Variants in ARHGAP29 observed in about 807,000 individuals in gnomAD.
The protein encoded by ARHGAP29 is rho GTPase-activating protein 29.
A neutral mutation model predicts 122.6 loss-of-function variants in ARHGAP29; 43 were observed. The ratio of observed to expected loss-of-function variants is 0.35; its 90% CI spans 0.27 to 0.45. The LOEUF is 0.45. ARHGAP29 is among the 20% of genes least tolerant of loss of function. The pLI, the probability that ARHGAP29 is intolerant of heterozygous loss-of-function variation, is 1.00. For synonymous variants in ARHGAP29, 506 were observed against 497.1 expected (o/e 1.02, Z -0.24); for missense variants, 1,303 against 1,477.2 (o/e 0.88, Z 1.93).
chr1:94,180,852 A>G (rs1219474974), intron 19 of ARHGAP29, among the ~76,000 whole-genome samples: 1 of 152,194 alleles, frequency 6.6e-6, no homozygotes, highest in African/African-American at 2.4e-5. Context: ...AGCTGATAGT[A>G]TTGGACCCTA....
At chr1:94,268,429 C>A (rs1654859329) in intron 1 of ARHGAP29, among the ~76,000 whole-genome samples, 2 of 152,154 alleles carry the variant, frequency 1.3e-5, no homozygotes, top group African/African-American at 2.4e-5. Context: ...ACATTGGCAT[C>A]CCTGAACCCA....
chr1:94,285,873 C>CAAAAAAAAAAAAAAAAAAAAAAAAA, the ARHGAP29 span, among the ~76,000 whole-genome samples: 2 of 72,640 alleles, frequency 2.8e-5, no homozygotes, highest in African/African-American at 5.1e-5. Context: ...GACTCTGTCT[C>CAAAAAAAAAAAAAAAAAAAAAAAAA]AAAAAAAAAA....
chr1:94,216,390 T>C (rs1651957677), intron 3 of ARHGAP29, among the ~76,000 whole-genome samples: 1 of 152,110 alleles, frequency 6.6e-6, no homozygotes, highest in African/African-American at 2.4e-5. Flanking sequence ...CTACCATCTG[T>C]GCAAAAAGGA....
intron 1 of ARHGAP29, chr1:94,250,499 C>T (rs1425269095): frequency 6.6e-6 from 1 of 152,190 alleles, no homozygotes; most frequent in African/African-American, 2.4e-5. Context: ...CTTGACCTCA[C>T]TGCTGGGGCA....
upstream of ARHGAP29, among the ~76,000 whole-genome samples, chr1:94,239,482 G>A (rs1390592354): frequency 6.6e-6 from 1 of 151,984 alleles, no homozygotes; most frequent in Non-Finnish European, 1.5e-5. Context: ...AAAGAGAAAG[G>A]AGCTCACAAG....
At chr1:94,298,623 T>G in the ARHGAP29 span, among the ~76,000 whole-genome samples, 1 of 152,208 alleles carries the variant, frequency 6.6e-6, no homozygotes, top group East Asian at 1.9e-4. Flanking sequence ...TTTGGTTTTG[T>G]TTTTGCCTGC....
intron 1 of ARHGAP29, among the ~76,000 whole-genome samples, chr1:94,252,942 A>G (rs937215936): frequency 1.8e-4 from 27 of 152,138 alleles, no homozygotes; most frequent in African/African-American, 6.5e-4. Flanking sequence ...TCAGAATCAA[A>G]GGGATCTTAG....
intron 7 of ARHGAP29, among the ~76,000 whole-genome samples, chr1:94,204,751 C>T (rs1651087411): frequency 6.6e-6 from 1 of 152,180 alleles, no homozygotes; most frequent in Admixed American, 6.5e-5. Context: ...TCTACTCATA[C>T]ATCTATTGTT....
chr1:94,219,356 C>T lies in ARHGAP29; in HGVS notation c.340+902G>A, dbSNP rs1300184600. Among the ~76,000 whole-genome samples, 4 of 152,176 alleles carry T rather than the reference C, an allele frequency of 2.6e-5. No individual in the cohort carries two copies. The East Asian group carries it at 7.7e-4, about 29-fold the overall frequency. On this transcript the variant is annotated intron_variant, in intron 3 of 22. Transcript: ENST00000260526. ...CTGTCCCTGGGATCTCACATCAGTC[C>T]TCTACTTACTCTGCACACTCAGCTG...
At chr1:94,198,508 T>C (rs1178296808) in intron 12 of ARHGAP29, among the ~76,000 whole-genome samples, 1 of 151,672 alleles carries the variant, frequency 6.6e-6, no homozygotes, top group Non-Finnish European at 1.5e-5. Context: ...CCAAACCAAT[T>C]AACAATGGGA....
intron 1 of ARHGAP29, among the ~76,000 whole-genome samples, chr1:94,248,545 T>C (rs74857503): frequency 0.034 from 5,245 of 152,292 alleles, 324 homozygotes; most frequent in African/African-American, 0.12. Context: ...AGCTGATTAA[T>C]GGGTAAAATT....
At chr1:94,217,774 C>T (rs1297877803) in intron 3 of ARHGAP29, among the ~76,000 whole-genome samples, 2 of 151,722 alleles carry the variant, frequency 1.3e-5, no homozygotes, top group African/African-American at 4.8e-5. Flanking sequence ...GCTTGCGTTC[C>T]GGAGTTTAAG....
At chr1:94,177,032 G>A (rs1265454013) in intron 22 of ARHGAP29, 3 of 152,050 alleles carry the variant, frequency 2.0e-5, no homozygotes, top group Non-Finnish European at 4.4e-5. Context: ...ACAAATGGAA[G>A]CTTTTCCACC....
chr1:94,184,248 T>G lies in ARHGAP29; in HGVS notation c.2150A>C (p.Lys717Thr). The part of the protein sequence containing the change: ...RVCGNKIKTE[K>T]LCQALENGMH... The stretch of plus-strand genomic sequence containing the variant: ...TCCATTTTCCAAAGCTTGACACAAT[T>G]TTTCAGTTTTTATTTTGTTTCCACA... The change falls in exon 19 of 23, where the codon AAA becomes ACA. Residue 717 changes from lysine (K) to threonine (T), a missense_variant. This residue lies in a region of ARHGAP29 where 620 missense variants were observed against 651.2 expected (regional missense o/e 0.95). Coordinates refer to ENST00000260526, the MANE Select transcript of ARHGAP29 (RefSeq NM_004815.4). 6.2e-7 allele frequency: 1 copy of G among 1,612,210 alleles called. No homozygotes were observed. The highest frequency in any genetic ancestry group is 8.5e-7 in the Non-Finnish European group (1 of 1,179,388).
intron 8 of ARHGAP29, 125 bp from the exon 9 acceptor site, chr1:94,203,335 C>A: frequency 1.7e-6 from 1 of 573,226 alleles, no homozygotes; most frequent in Non-Finnish European, 2.9e-6. Flanking sequence ...AATAACTAGT[C>A]AAAAACATGA....
chr1:94,200,391 C>T (rs1411693), intron 12 of ARHGAP29, among the ~76,000 whole-genome samples: 148,304 of 152,314 alleles, frequency 0.97, 72,342 homozygotes, highest in Middle Eastern at 1. Flanking sequence ...TTAAAAACAA[C>T]GACTGATACA....
the ARHGAP29 span, among the ~76,000 whole-genome samples, chr1:94,284,218 T>C: frequency 9.2e-5 from 14 of 152,168 alleles, no homozygotes; most frequent in African/African-American, 3.1e-4. Flanking sequence ...GAGCTTTACT[T>C]ATAGTAATTT....
At chr1:94,294,757 G>A in the ARHGAP29 span, among the ~76,000 whole-genome samples, 1 of 152,024 alleles carries the variant, frequency 6.6e-6, no homozygotes, top group Non-Finnish European at 1.5e-5. Context: ...GATGAGAGGA[G>A]GGAAAAGCAT....
At chr1:94,282,832 T>C in the ARHGAP29 span, among the ~76,000 whole-genome samples, 4 of 152,194 alleles carry the variant, frequency 2.6e-5, no homozygotes, top group Non-Finnish European at 4.4e-5. Flanking sequence ...CTGATTAAGA[T>C]GATTCCCTTC....
Sources: allele counts gnomAD v4.1 joint callset (sites outside exome capture counted in the v4.1 genomes callset), GRCh38; gene constraint gnomAD v4.1.1; regional missense constraint gnomAD v4.1.1; transcripts MANE v1.5; gene names NCBI Gene and HGNC (gene_info 2026-07-23, HGNC 2026-07-21).